Variants in TENM4 observed in about 807,000 individuals in gnomAD.
TENM4 encodes teneurin-4.
TENM4 carries 82 observed loss-of-function variants against 243.3 expected under a neutral mutation model. The observed-to-expected ratio is 0.34, with a 90% CI of 0.28 to 0.40. The LOEUF (loss-of-function observed/expected upper bound fraction) is 0.40. Among genes scored for constraint, TENM4 ranks in the 10% least tolerant of loss-of-function variants. The pLI is 1.00. For synonymous variants in TENM4, 1,412 were observed against 1,456.3 expected (o/e 0.97, Z 0.69); for missense variants, 3,138 against 3,673.3 (o/e 0.85, Z 3.77).
intron 6 of TENM4, among the ~76,000 whole-genome samples, chr11:79,008,563 C>A (rs775183017): frequency 6.6e-5 from 10 of 152,146 alleles, no homozygotes; most frequent in African/African-American, 2.2e-4. Context: ...CACTTTGAAG[C>A]CATGAAAGCC....
chr11:79,266,539 T>C (rs1451131973), intron 2 of TENM4, among the ~76,000 whole-genome samples: 1 of 151,896 alleles, frequency 6.6e-6, no homozygotes, highest in Non-Finnish European at 1.5e-5. Context: ...CCCTTATCTT[T>C]GCTACTGGTG....
intron 1 of TENM4, among the ~76,000 whole-genome samples, chr11:79,405,705 T>C (rs1858551527): frequency 6.6e-6 from 1 of 152,000 alleles, no homozygotes; most frequent in Admixed American, 6.6e-5. Flanking sequence ...TTTGAATAGA[T>C]ATACAATATT....
intron 18 of TENM4, among the ~76,000 whole-genome samples, chr11:78,766,300 T>A (rs1023054587): frequency 1.3e-5 from 2 of 152,240 alleles, no homozygotes; most frequent in Non-Finnish European, 2.9e-5. Flanking sequence ...TGGGCATTAT[T>A]ATCCTCATTT....
intron 28 of TENM4, among the ~76,000 whole-genome samples, chr11:78,692,615 T>C (rs1390609873): frequency 6.6e-6 from 1 of 151,916 alleles, no homozygotes; most frequent in Non-Finnish European, 1.5e-5. Flanking sequence ...TAGCTTAGAG[T>C]GTGTGGCATA....
intron 6 of TENM4, among the ~76,000 whole-genome samples, chr11:78,966,380 T>A (rs973345027): frequency 2.0e-5 from 3 of 152,230 alleles, no homozygotes; most frequent in Non-Finnish European, 4.4e-5. Context: ...ACTAGCTGTC[T>A]TCATGTTTTC....
intron 6 of TENM4, among the ~76,000 whole-genome samples, chr11:78,968,478 G>C (rs1490122524): frequency 6.6e-6 from 1 of 152,244 alleles, no homozygotes. Context: ...GACAGACGAG[G>C]TTTCGCCAGG....
intron 9 of TENM4, among the ~76,000 whole-genome samples, chr11:78,882,806 A>G (rs1855459921): frequency 6.6e-6 from 1 of 152,268 alleles, no homozygotes; most frequent in African/African-American, 2.4e-5. Flanking sequence ...GCAATTAAGC[A>G]TTAAGCTTAG....
At chr11:78,966,380 T>C (rs973345027) in intron 6 of TENM4, among the ~76,000 whole-genome samples, 3 of 152,230 alleles carry the variant, frequency 2.0e-5, no homozygotes, top group African/African-American at 7.2e-5. Flanking sequence ...ACTAGCTGTC[T>C]TCATGTTTTC....
chr11:78,934,325 C>T (rs1469766393), intron 6 of TENM4, among the ~76,000 whole-genome samples: 2 of 152,194 alleles, frequency 1.3e-5, no homozygotes, highest in Non-Finnish European at 2.9e-5. Flanking sequence ...AACAAAGGCA[C>T]AAACACAAAC....
At chr11:78,941,680 G>A (rs190724851) in intron 6 of TENM4, among the ~76,000 whole-genome samples, 1,608 of 152,206 alleles carry the variant, frequency 0.011, 28 homozygotes, top group African/African-American at 0.037. Flanking sequence ...GGCTCTCAGC[G>A]CCCACCCCAG....
intron 12 of TENM4, among the ~76,000 whole-genome samples, chr11:78,853,780 GA>G (rs1858603774): frequency 6.6e-6 from 1 of 152,224 alleles, no homozygotes; most frequent in Admixed American, 6.5e-5. Context: ...ACGTGGGAGA[GA>G]AGTGCCAAGA....
intron 6 of TENM4, among the ~76,000 whole-genome samples, chr11:78,921,674 A>T (rs1856451722): frequency 6.6e-6 from 1 of 152,158 alleles, no homozygotes; most frequent in Non-Finnish European, 1.5e-5. Flanking sequence ...GCAAGGAGGG[A>T]GGTGTCAGTC....
intron 6 of TENM4, among the ~76,000 whole-genome samples, chr11:79,064,215 C>T (rs181873856): frequency 1.3e-4 from 20 of 152,260 alleles, no homozygotes; most frequent in African/African-American, 3.9e-4. Flanking sequence ...CTAACTGAAA[C>T]GCTGTACCCT....
intron 19 of TENM4, among the ~76,000 whole-genome samples, chr11:78,748,395 A>G (rs1317291388): frequency 2.0e-5 from 3 of 152,322 alleles, no homozygotes; most frequent in Admixed American, 6.5e-5. Context: ...TGAGAGTCCA[A>G]CCTCTGAGGT....
intron 12 of TENM4, among the ~76,000 whole-genome samples, chr11:78,817,504 T>A (rs73498559): frequency 0.016 from 2,440 of 152,320 alleles, 57 homozygotes; most frequent in African/African-American, 0.048. Flanking sequence ...GACCTGAAGA[T>A]CTCTATTCTC....
At chr11:78,691,355 G>A (rs553642609) in intron 28 of TENM4, among the ~76,000 whole-genome samples, 1 of 152,178 alleles carries the variant, frequency 6.6e-6, no homozygotes, top group South Asian at 2.1e-4. Flanking sequence ...AATGTTGGCT[G>A]AACAAATAAA....
intron 6 of TENM4, among the ~76,000 whole-genome samples, chr11:79,032,198 G>A (rs1859260992): frequency 6.6e-6 from 1 of 152,150 alleles, no homozygotes; most frequent in Non-Finnish European, 1.5e-5. Flanking sequence ...TTCAGAGAAG[G>A]CCAATGGGAA....
At chr11:79,171,102 A>T (rs568979843) in intron 3 of TENM4, among the ~76,000 whole-genome samples, 1 of 152,326 alleles carries the variant, frequency 6.6e-6, no homozygotes, top group African/African-American at 2.4e-5. Context: ...AAGCACACAG[A>T]GGTCAGAGAG....
At chr11:78,993,037 T>C (rs1353883684) in intron 6 of TENM4, among the ~76,000 whole-genome samples, 3 of 152,218 alleles carry the variant, frequency 2.0e-5, no homozygotes, top group Admixed American at 6.5e-5. Flanking sequence ...CCTTTATTCA[T>C]TCAGGTACTT....
Sources: allele counts gnomAD v4.1 joint callset (sites outside exome capture counted in the v4.1 genomes callset), GRCh38; gene constraint gnomAD v4.1.1; transcripts MANE v1.5; gene names NCBI Gene and HGNC (gene_info 2026-07-23, HGNC 2026-07-21).